Variants in VPS13C observed in about 807,000 individuals in gnomAD.
VPS13C encodes the protein vacuolar protein sorting 13 homolog C.
Under a neutral mutation model 456.8 loss-of-function variants are expected in VPS13C, and 358 were observed. The ratio of observed to expected loss-of-function variants is 0.78; its 90% confidence interval spans 0.72 to 0.86. The LOEUF is 0.86. Among genes scored for constraint, VPS13C ranks in the 40% least tolerant of loss-of-function variants. VPS13C has a pLI of 0.00. For synonymous variants in VPS13C, 1,578 were observed against 1,486.7 expected, an observed-to-expected ratio of 1.06 and a Z score of -1.41; for missense variants, 4,818 against 4,385.4, an observed-to-expected ratio of 1.10 and a Z score of -2.79.
intron 1 of VPS13C, among the ~76,000 whole-genome samples, chr15:62,048,229 A>G (rs1457950890): frequency 6.8e-6 from 1 of 146,726 alleles, no homozygotes; most frequent in Non-Finnish European, 1.5e-5. Flanking sequence ...AGCATTAGAT[A>G]TATCTCCTAA....
rs1035027913 is a variant in VPS13C, at chr15:61,985,007, G to A, written c.1579-8C>T. The A allele has an allele frequency of 6.4e-6, 9 of 1,410,274 alleles. No individual in the cohort carries two copies. The highest frequency in any genetic ancestry group is 6.5e-6 in the Non-Finnish European group (7 of 1,071,296). 87.4% of individuals were successfully genotyped at this position (1,410,274 alleles called of 1,614,324 possible). A position where few individuals can be genotyped will look rare whatever the true frequency, so the allele number is the denominator to read the frequency against. ...CATAATATGGGCAACATACTATACA[G>A]AAAGAATGAAATTAAAATTGTTAAA... is the stretch of plus-strand genomic sequence containing the variant. On this transcript the variant is annotated splice_region_variant and splice_polypyrimidine_tract_variant and intron_variant, in intron 18 of 84. Transcript: ENST00000644861.
rs958720349 is a variant in VPS13C, at chr15:61,936,643, T to C, written c.5709A>G (p.Val1903=). ...TTGAAACATCAACTTTTCTCACTCT[T>C]ACAGTCTCCTGCACAGACTGTGTAG... ...PSPTQSVQET[V]RVRKVDVSSV... is the part of the protein sequence containing the mutation. Residue 1903 remains valine (V), a synonymous_variant, in exon 48 of 85, where the codon GTA becomes GTG. Coordinates refer to ENST00000644861, the MANE Select transcript of VPS13C (RefSeq NM_020821.3). 1 of 1,598,158 alleles carries C rather than the reference T, an allele frequency of 6.3e-7. No individual in the cohort carries two copies. Among genetic ancestry groups the C allele is most frequent in the East Asian group, 2.2e-5 (1 of 44,680 alleles).
At position 61,918,142 on chromosome 15, in the gene VPS13C, G is replaced by T. The variant is rs149034021; in HGVS notation, c.7754C>A (p.Ser2585Ter). 6.3e-7 allele frequency: 1 copy of T among 1,588,652 alleles called. No homozygotes were observed. The highest frequency in any genetic ancestry group is 8.5e-7 in the Non-Finnish European group (1 of 1,172,208). Reference sequence around the variant, plus strand: ...ACATTTAAGAAGTATCTACCTATATGAATCTAAAGGAACATGGAACTCCTC... The same window carrying T: ...ACATTTAAGAAGTATCTACCTATATTAATCTAAAGGAACATGGAACTCCTC... ...PEEEFHVPLD[S>*]YRCQLFIQPA... Residue 2585 changes from serine to a stop codon, truncating the protein, a stop_gained, in exon 59 of 85, where the codon TCA becomes TAA. Coordinates refer to ENST00000644861, the MANE Select transcript of VPS13C (RefSeq NM_020821.3). LOFTEE classifies it high-confidence loss of function.
At chr15:62,038,246 C>T (rs1156686647) in intron 3 of VPS13C, among the ~76,000 whole-genome samples, 1 of 152,070 alleles carries the variant, frequency 6.6e-6, no homozygotes, top group African/African-American at 2.4e-5. Flanking sequence ...ATGACAAAGA[C>T]CCTAAAAGCA....
intron 22 of VPS13C, among the ~76,000 whole-genome samples, chr15:61,980,869 C>A (rs1257645656): frequency 6.6e-6 from 1 of 151,960 alleles, no homozygotes; most frequent in Non-Finnish European, 1.5e-5. Flanking sequence ...ACTTCAAAGT[C>A]CCCTCATATA....
At chr15:61,922,184 A>C (rs1317258350) in intron 54 of VPS13C, 151 bp from the exon 55 acceptor site, 1 of 1,038,738 alleles carries the variant, frequency 9.6e-7, no homozygotes, top group Admixed American at 2.8e-5. Flanking sequence ...ATTTTCCTTT[A>C]CTCTCTTACT....
intron 34 of VPS13C, 90 bp from the exon 35 acceptor site, chr15:61,961,983 T>C: frequency 7.2e-7 from 1 of 1,395,880 alleles, no homozygotes; most frequent in South Asian, 1.5e-5. Context: ...TGTGGTAACT[T>C]TTTTTTTCCA....
chr15:62,052,384 A>G (rs1055323397), intron 1 of VPS13C, among the ~76,000 whole-genome samples: 11 of 152,140 alleles, frequency 7.2e-5, no homozygotes, highest in African/African-American at 2.7e-4. Context: ...TGTTTTAGTA[A>G]AGAATACCAG....
chr15:61,905,932 T>C (rs1253034602), intron 66 of VPS13C, among the ~76,000 whole-genome samples: 2 of 152,176 alleles, frequency 1.3e-5, no homozygotes, highest in African/African-American at 4.8e-5. Context: ...AGTTGTCATG[T>C]CTTTATAACT....
intron 14 of VPS13C, among the ~76,000 whole-genome samples, chr15:62,008,093 G>T (rs762929121): frequency 2.2e-4 from 33 of 152,080 alleles, no homozygotes; most frequent in Admixed American, 1.3e-4. Flanking sequence ...TTAGCCAGGC[G>T]TGGTGGTGGG....
intron 15 of VPS13C, 87 bp from the exon 16 acceptor site, chr15:62,000,713 T>C (rs2140458696): frequency 1.9e-6 from 2 of 1,049,222 alleles, no homozygotes; most frequent in Admixed American, 2.7e-5. Context: ...GCATATCTAG[T>C]CCATTATCAG....
chr15:61,895,726 C>T (rs2042787690), intron 66 of VPS13C, among the ~76,000 whole-genome samples: 1 of 152,142 alleles, frequency 6.6e-6, no homozygotes, highest in African/African-American at 2.4e-5. Flanking sequence ...ACTGCACATT[C>T]TCACTCATAT....
chr15:61,871,232 C>G (rs1895005763), intron 79 of VPS13C, among the ~76,000 whole-genome samples: 1 of 152,112 alleles, frequency 6.6e-6, no homozygotes, highest in Admixed American at 6.6e-5. Context: ...TGGTTTTGCT[C>G]TTACATTTAG....
chr15:61,911,994 C>T lies in VPS13C; in HGVS notation c.8561G>A (p.Ser2854Asn), dbSNP rs1251550035. ...AAGGTTGAAACTGCTCATTTTGATG[C>T]TAACACCAACCTGTGGAAAGGAAAA... ...ANNMEYLVGV[S>N]IKMSSFNLSR... The change falls in exon 63 of 85, where the codon AGC becomes AAC. Residue 2854 changes from serine to asparagine, a missense_variant. Ser to Asn is a conservative substitution (Grantham distance 46). This residue lies in a region of VPS13C where 4,552 missense variants were observed against 4,130.6 expected (regional missense o/e 1.10). Transcript: ENST00000644861. 1.1e-5 allele frequency: 18 copies of T among 1,597,248 alleles called. No individual in the cohort carries two copies. The highest frequency in any genetic ancestry group is 1.5e-5 in the Non-Finnish European group (17 of 1,171,574).
Position 61,922,869 on chromosome 15 carries a change from A to T in VPS13C, c.6610-107T>A, listed in dbSNP as rs1051176629. On this transcript the variant is annotated intron_variant, in intron 53 of 84. Transcript: ENST00000644861. The stretch of plus-strand genomic sequence containing the variant: ...TACATTAATTATAAGTGACATTTTT[A>T]AATTAAATTTTAATTTTAAATTAAA... 1.5e-4 allele frequency: 133 copies of T among 904,764 alleles called. 1 individual carries two copies. The highest frequency in any genetic ancestry group is 7.8e-5 in the Admixed American group (2 of 25,674). 56.0% of individuals were successfully genotyped at this position (904,764 alleles called of 1,614,324 possible).
At chr15:62,032,416 G>C (rs2047850315) in intron 5 of VPS13C, among the ~76,000 whole-genome samples, 2 of 151,818 alleles carry the variant, frequency 1.3e-5, no homozygotes, top group African/African-American at 4.8e-5. Context: ...GAGAAAAAAT[G>C]TTGAAGCTTC....
chr15:61,961,230 A>G (rs1250890385), intron 35 of VPS13C, among the ~76,000 whole-genome samples: 1 of 151,478 alleles, frequency 6.6e-6, no homozygotes, highest in Non-Finnish European at 1.5e-5. Flanking sequence ...TTCTATTAAA[A>G]ATACAAAAAA....
Position 62,041,369 on chromosome 15 carries a change from T to C in VPS13C, c.145-3A>G, listed in dbSNP as rs773394658. The C allele has an allele frequency of 6.2e-7, 1 of 1,603,400 alleles. No homozygotes were observed. The highest frequency in any genetic ancestry group is 2.2e-5 in the East Asian group (1 of 44,580). Reference sequence around the variant, plus strand: ...TTAAAAGGAACATCCAATTCACTCTTCAGAAGAAAGAGAAAATGTAAAGGA... The same window carrying C: ...TTAAAAGGAACATCCAATTCACTCTCCAGAAGAAAGAGAAAATGTAAAGGA... On this transcript the variant is annotated splice_region_variant and splice_polypyrimidine_tract_variant and intron_variant, in intron 2 of 84. Coordinates refer to ENST00000644861, the MANE Select transcript of VPS13C (RefSeq NM_020821.3).
intron 12 of VPS13C, among the ~76,000 whole-genome samples, chr15:62,011,233 T>C (rs186568004): frequency 3.9e-5 from 6 of 152,194 alleles, no homozygotes. Flanking sequence ...AACTGTGATA[T>C]CTCATGGTAA....
Sources: allele counts gnomAD v4.1 joint callset (sites outside exome capture counted in the v4.1 genomes callset), GRCh38; gene constraint gnomAD v4.1.1; regional missense constraint gnomAD v4.1.1; transcripts MANE v1.5; gene names NCBI Gene and HGNC (gene_info 2026-07-23, HGNC 2026-07-21).